Variants in FNBP1 observed in about 807,000 individuals in gnomAD.
FNBP1 encodes the protein formin-binding protein 1.
FNBP1 carries 26 observed loss-of-function variants against 90.6 expected under a neutral mutation model. The ratio of observed to expected loss-of-function variants is 0.29; its 90% CI spans 0.21 to 0.40. The LOEUF is 0.40. FNBP1 is among the 10% of genes least tolerant of loss of function. The pLI, the probability that FNBP1 is intolerant of heterozygous loss-of-function variation, is 1.00. For missense variants in FNBP1, 635 were observed against 768.0 expected, an observed-to-expected ratio of 0.83 and a Z score of 2.05; for synonymous variants, 260 against 265.2, an observed-to-expected ratio of 0.98 and a Z score of 0.19.
Position 129,900,195 on chromosome 9 carries a change from C to G in FNBP1, c.1551-94G>C. 1 of 1,357,924 alleles carries G rather than the reference C, an allele frequency of 7.4e-7. No homozygotes were observed. Among genetic ancestry groups the G allele is most frequent in the East Asian group, 2.6e-5 (1 of 38,710 alleles). 84.1% of individuals were successfully genotyped at this position (1,357,924 alleles called of 1,614,324 possible). ...TGCGACTGGAGAGCACTTGCAACCC[C>G]GCCCCTCAGCGAGTGCTGTAACTGA... On this transcript the variant is annotated intron_variant, in intron 14 of 16. Transcript: ENST00000446176. This position sits in a 1 kb window ranked among gnomAD's most constrained non-coding sequence, Gnocchi z 4.1.
chr9:130,043,055 C>A lies in FNBP1; in HGVS notation c.-80G>T. On this transcript the variant is annotated 5_prime_UTR_variant, in exon 1 of 17. Transcript: ENST00000446176. ...CCTCCCCGGCGATCCCTTTGCCCCC[C>A]GAGATCCCCGCGACGGCGGAAAGCC... The A allele has an allele frequency of 8.4e-7, 1 of 1,197,246 alleles. No individual in the cohort carries two copies. The highest frequency in any genetic ancestry group is 4.2e-5 in the South Asian group (1 of 23,714). The allele number at this position is 1,197,246 out of a possible 1,614,324, so 74.2% of individuals were successfully genotyped here. A position where few individuals can be genotyped will look rare whatever the true frequency, so the allele number is the denominator to read the frequency against.
chr9:130,033,186 C>A (rs79303762), intron 1 of FNBP1, among the ~76,000 whole-genome samples: 1 of 152,172 alleles, frequency 6.6e-6, no homozygotes, highest in African/African-American at 2.4e-5. Flanking sequence ...CGAACAATCT[C>A]TCACCTTTAT....
chr9:129,984,280 A>T (rs982511603), intron 2 of FNBP1, among the ~76,000 whole-genome samples: 25 of 152,026 alleles, frequency 1.6e-4, no homozygotes, highest in Non-Finnish European at 2.4e-4. Flanking sequence ...TAAAAAAAAT[A>T]AAAAAAATGA....
rs3830432 is a variant in FNBP1 at position 129,979,476 on chromosome 9, CA to C, written c.141-103del. ...GCTTTTGTTACAAGTTTAAAACAAA[CA>C]AAAAAAGTCCACAGCTGAAATCCAT... is the stretch of plus-strand genomic sequence containing the variant. On this transcript the variant is annotated intron_variant, in intron 2 of 16. Transcript: ENST00000446176. 474 of 794,308 alleles carry C rather than the reference CA, an allele frequency of 6.0e-4. 5 individuals are homozygous for C. Among genetic ancestry groups the C allele is most frequent in the East Asian group, 3.2e-3 (128 of 40,264 alleles). 49.2% of individuals were successfully genotyped at this position (794,308 alleles called of 1,614,324 possible).
At chr9:129,945,841 A>G (rs2045186289) in intron 6 of FNBP1, among the ~76,000 whole-genome samples, 1 of 152,190 alleles carries the variant, frequency 6.6e-6, no homozygotes, top group South Asian at 2.1e-4. Context: ...TTTTCTCTTT[A>G]AAATATTCTA....
At position 129,890,534 on chromosome 9, in the gene FNBP1, C is replaced by A; in HGVS notation, c.*5G>T. The A allele has an allele frequency of 6.3e-7, 1 of 1,585,366 alleles. No homozygotes were observed. The highest frequency in any genetic ancestry group is 8.6e-7 in the Non-Finnish European group (1 of 1,166,646). On this transcript the variant is annotated 3_prime_UTR_variant, in exon 17 of 17. Coordinates refer to ENST00000446176, the MANE Select transcript of FNBP1 (RefSeq NM_015033.3). The surrounding 1 kb of genome is among the most constrained non-coding windows in gnomAD (Gnocchi z 5.8). Reference sequence around the variant, plus strand: ...GGCTCACCCGAGGCTCGCAGGCACTCCCCTCTAGGAATCTACAACACAAAG... The same window carrying A: ...GGCTCACCCGAGGCTCGCAGGCACTACCCTCTAGGAATCTACAACACAAAG...
intron 15 of FNBP1, among the ~76,000 whole-genome samples, chr9:129,897,819 A>T (rs1305531802): frequency 6.6e-6 from 1 of 151,954 alleles, no homozygotes; most frequent in African/African-American, 2.4e-5. Flanking sequence ...AGAAACACTA[A>T]GCTAGTTTAT....
At position 129,890,213 on chromosome 9, in the gene FNBP1, G is replaced by A. The variant is rs1318964449; in HGVS notation, c.*326C>T. The A allele has an allele frequency of 1.3e-5, 6 of 460,588 alleles. No individual in the cohort carries two copies. Among genetic ancestry groups the A allele is most frequent in the Admixed American group, 8.0e-5 (2 of 25,058 alleles). The allele number at this position is 460,588 out of a possible 1,614,324, so 28.5% of individuals were successfully genotyped here. ...GCGGAAGGGCTGCCAGGACGAGCCC[G>A]GGTGGACTGAGGGCCCAGGAAGGAG... is the stretch of plus-strand genomic sequence containing the variant. On this transcript the variant is annotated 3_prime_UTR_variant, in exon 17 of 17. Transcript: ENST00000446176. The surrounding 1 kb of genome is among the most constrained non-coding windows in gnomAD (Gnocchi z 5.8).
At position 129,890,134 on chromosome 9, in the gene FNBP1, T is replaced by G. The variant is rs1375788456; in HGVS notation, c.*405A>C. On this transcript the variant is annotated 3_prime_UTR_variant, in exon 17 of 17. Transcript: ENST00000446176. This position sits in a 1 kb window ranked among gnomAD's most constrained non-coding sequence, Gnocchi z 5.8. Reference sequence around the variant, plus strand: ...CCGCCTGATGTGCGCTGGACCTGCCTTGTCTCCTCAGGGGACCCGTGATGA... The same window carrying G: ...CCGCCTGATGTGCGCTGGACCTGCCGTGTCTCCTCAGGGGACCCGTGATGA... 9.1e-6 allele frequency: 3 copies of G among 328,488 alleles called. No homozygotes were observed. The highest frequency in any genetic ancestry group is 1.7e-5 in the Non-Finnish European group (3 of 176,850). The allele number at this position is 328,488 out of a possible 1,614,324, so 20.3% of individuals were successfully genotyped here. A position where few individuals can be genotyped will look rare whatever the true frequency, so the allele number is the denominator to read the frequency against.
chr9:130,026,989 G>A (rs2058405787), intron 1 of FNBP1, among the ~76,000 whole-genome samples: 1 of 148,526 alleles, frequency 6.7e-6, no homozygotes, highest in African/African-American at 2.5e-5. Context: ...AAAAAGTTTT[G>A]TCTTTTGTTT....
chr9:130,035,098 G>A (rs750540375), intron 1 of FNBP1, among the ~76,000 whole-genome samples: 1 of 152,078 alleles, frequency 6.6e-6, no homozygotes, highest in African/African-American at 2.4e-5. Context: ...GCAGTGAGTC[G>A]AGATCGTGCC....
intron 1 of FNBP1, among the ~76,000 whole-genome samples, chr9:130,026,690 C>T (rs191412865): frequency 1.8e-4 from 27 of 152,054 alleles, no homozygotes; most frequent in African/African-American, 6.3e-4. Flanking sequence ...CAGTGGCTCA[C>T]GCTTCTAATC....
chr9:129,888,313 G>C lies in FNBP1; in HGVS notation c.*2226C>G, dbSNP rs2034861556. 4.3e-6 allele frequency: 1 copy of C among 232,550 alleles called. No individual in the cohort carries two copies. Among genetic ancestry groups the C allele is most frequent in the African/African-American group, 2.2e-5 (1 of 45,308 alleles). The allele number at this position is 232,550 out of a possible 1,614,324, so 14.4% of individuals were successfully genotyped here. A position where few individuals can be genotyped will look rare whatever the true frequency, so the allele number is the denominator to read the frequency against. On this transcript the variant is annotated 3_prime_UTR_variant, in exon 17 of 17. Transcript: ENST00000446176. Reference sequence around the variant, plus strand: ...TAAAGAACCGTTTCACATCCTCGTGGAGTGGAGAGTGGTCCACTTGACTTG... The same window carrying C: ...TAAAGAACCGTTTCACATCCTCGTGCAGTGGAGAGTGGTCCACTTGACTTG...
At chr9:129,941,385 T>C (rs934177118) in intron 6 of FNBP1, among the ~76,000 whole-genome samples, 2 of 152,092 alleles carry the variant, frequency 1.3e-5, no homozygotes, top group Non-Finnish European at 2.9e-5. Context: ...CGAGACGCCA[T>C]CTTAAATAAA....
At chr9:129,944,117 T>G (rs752153475) in intron 6 of FNBP1, among the ~76,000 whole-genome samples, 2 of 151,968 alleles carry the variant, frequency 1.3e-5, no homozygotes, top group Non-Finnish European at 2.9e-5. Context: ...CTCATGCTTC[T>G]CTCATCCTTC....
At position 129,988,219 on chromosome 9, in the gene FNBP1, A is replaced by G. The variant is rs370266292; in HGVS notation, c.140+6624T>C. Among the ~76,000 whole-genome samples, 20 of 152,190 alleles carry G rather than the reference A, an allele frequency of 1.3e-4. 1 individual carries two copies. In the East Asian group the frequency reaches 2.7e-3, roughly 21 times the overall value. On this transcript the variant is annotated intron_variant, in intron 2 of 16. Coordinates refer to ENST00000446176, the MANE Select transcript of FNBP1 (RefSeq NM_015033.3). ...AGTTTCTGGAAAGGGACTGGAGATCATGCCACTGCACTCCAGCCTGGGTGA... is the reference window on the plus strand; with the variant it reads ...AGTTTCTGGAAAGGGACTGGAGATCGTGCCACTGCACTCCAGCCTGGGTGA...
At chr9:129,927,458 T>C (rs2042084229) in intron 7 of FNBP1, 117 bp from the exon 8 acceptor site, 1 of 916,556 alleles carries the variant, frequency 1.1e-6, no homozygotes, top group African/African-American at 1.6e-5. Context: ...GGGTTAGAGT[T>C]AGAGCGGCTC....
chr9:129,917,072 G>T (rs997598873), intron 10 of FNBP1, among the ~76,000 whole-genome samples: 1 of 152,106 alleles, frequency 6.6e-6, no homozygotes, highest in Non-Finnish European at 1.5e-5. Context: ...GAGTGCAGTG[G>T]CGTAATCTCG....
chr9:130,002,766 C>T (rs532394541), intron 1 of FNBP1, among the ~76,000 whole-genome samples: 1 of 152,282 alleles, frequency 6.6e-6, no homozygotes, highest in East Asian at 1.9e-4. Context: ...CTAAGATTGC[C>T]AAGAGGACTA....
Sources: allele counts gnomAD v4.1 joint callset (sites outside exome capture counted in the v4.1 genomes callset), GRCh38; gene constraint gnomAD v4.1.1; non-coding constraint Gnocchi (gnomAD v3.1); transcripts MANE v1.5; gene names NCBI Gene and HGNC (gene_info 2026-07-23, HGNC 2026-07-21).